Variants in SLC26A7 observed in about 807,000 individuals in gnomAD.
SLC26A7 encodes the protein anion exchange transporter.
A neutral mutation model predicts 82.5 loss-of-function variants in SLC26A7; 59 were observed. That is an observed-to-expected ratio of 0.72 (90% CI 0.58 to 0.89). The LOEUF (loss-of-function observed/expected upper bound fraction) is 0.89, where lower values mean the gene tolerates loss of function less well. Ranked by LOEUF, SLC26A7 falls within the 40% of genes least tolerant of loss-of-function variation. SLC26A7 has a pLI of 0.00. For synonymous variants in SLC26A7, 271 were observed against 274.3 expected, an observed-to-expected ratio of 0.99 and a Z score of 0.12; for missense variants, 820 against 793.0, an observed-to-expected ratio of 1.03 and a Z score of -0.41.
At chr8:91,268,262 C>A (rs997688018) in intron 2 of SLC26A7, among the ~76,000 whole-genome samples, 1 of 151,784 alleles carries the variant, frequency 6.6e-6, no homozygotes, top group Non-Finnish European at 1.5e-5. Context: ...TGTATTGCAA[C>A]TGATCTCTCC....
At chr8:91,368,661 G>C (rs956643218) in intron 14 of SLC26A7, among the ~76,000 whole-genome samples, 8 of 151,828 alleles carry the variant, frequency 5.3e-5, no homozygotes, top group Admixed American at 4.6e-4. Flanking sequence ...CTGACCTCGT[G>C]ATCCGCCCAC....
At chr8:91,297,939 A>G (rs1224016091) in intron 4 of SLC26A7, among the ~76,000 whole-genome samples, 1 of 152,134 alleles carries the variant, frequency 6.6e-6, no homozygotes, top group African/African-American at 2.4e-5. Context: ...ATAAGATTGT[A>G]TTGTTAAAGT....
At chr8:91,324,689 A>C (rs1044825382) in intron 5 of SLC26A7, among the ~76,000 whole-genome samples, 2 of 152,200 alleles carry the variant, frequency 1.3e-5, no homozygotes, top group Non-Finnish European at 1.5e-5. Context: ...TGGAGAGAGG[A>C]GACAAACAAA....
intron 15 of SLC26A7, among the ~76,000 whole-genome samples, chr8:91,375,044 A>G (rs1814471867): frequency 6.6e-6 from 1 of 151,722 alleles, no homozygotes; most frequent in South Asian, 2.1e-4. Context: ...TTTATTTGAT[A>G]CAAGAATAGA....
At chr8:91,236,048 A>G (rs1437187602) in intron 2 of SLC26A7, among the ~76,000 whole-genome samples, 1 of 152,216 alleles carries the variant, frequency 6.6e-6, no homozygotes, top group African/African-American at 2.4e-5. Context: ...AAAAGCCCTC[A>G]AGACAGAAGC....
At chr8:91,254,216 G>C (rs1810738939) in intron 2 of SLC26A7, among the ~76,000 whole-genome samples, 1 of 151,978 alleles carries the variant, frequency 6.6e-6, no homozygotes, top group Admixed American at 6.6e-5. Context: ...AAAATCTAGG[G>C]AGACATGGTC....
At chr8:91,289,560 G>A (rs937305772) in intron 3 of SLC26A7, among the ~76,000 whole-genome samples, 5 of 152,010 alleles carry the variant, frequency 3.3e-5, no homozygotes, top group East Asian at 1.9e-4. Context: ...CAGGAGAATC[G>A]CTTGAACCTG....
rs181062342 is a variant in SLC26A7 at position 91,364,810 on chromosome 8, A to G, written c.1488+1272A>G. On this transcript the variant is annotated intron_variant, in intron 13 of 18. Transcript: ENST00000276609. ...AGATGAAAATGCTAGAAATTTCTCC[A>G]CATGTTTAAGTCTTGATTGGTTTCT... Among the ~76,000 whole-genome samples the G allele has an allele frequency of 2.6e-5, 4 of 152,312 alleles. No homozygotes were observed. In the East Asian group the frequency reaches 7.7e-4, roughly 29 times the overall value.
intron 17 of SLC26A7, 42 bp from the exon 18 acceptor site, chr8:91,393,894 C>T (rs188675180): frequency 6.2e-7 from 1 of 1,612,090 alleles, no homozygotes; most frequent in Non-Finnish European, 8.5e-7. Flanking sequence ...GATTTTTCTG[C>T]ACTTCCACAT....
chr8:91,217,330 A>G (rs934665789), intron 1 of SLC26A7, among the ~76,000 whole-genome samples: 1 of 152,216 alleles, frequency 6.6e-6, no homozygotes, highest in African/African-American at 2.4e-5. Context: ...AGATTTTGTC[A>G]TGTCTAAATT....
intron 11 of SLC26A7, among the ~76,000 whole-genome samples, chr8:91,357,669 T>C (rs1250552375): frequency 6.6e-6 from 1 of 152,156 alleles, no homozygotes; most frequent in Admixed American, 6.5e-5. Context: ...GAAGAAAACC[T>C]AGGCAGTACC....
chr8:91,331,811 C>A (rs1200535797), intron 5 of SLC26A7, among the ~76,000 whole-genome samples: 1 of 151,960 alleles, frequency 6.6e-6, no homozygotes, highest in African/African-American at 2.4e-5. Flanking sequence ...CCAGATTAGA[C>A]TATTTAAATT....
intron 2 of SLC26A7, among the ~76,000 whole-genome samples, chr8:91,225,368 G>T (rs1448797841): frequency 1.3e-5 from 2 of 152,100 alleles, no homozygotes; most frequent in East Asian, 3.9e-4. Flanking sequence ...AGTTTCCCCA[G>T]CTGAGTAGCA....
At chr8:91,369,735 GA>G (rs1432900658) in intron 14 of SLC26A7, 49 bp from the exon 15 acceptor site, 3 of 1,343,604 alleles carry the variant, frequency 2.2e-6, no homozygotes, top group Non-Finnish European at 3.0e-6. Flanking sequence ...TTTTCAGACA[GA>G]AGTAAAATTT....
At chr8:91,327,907 G>A (rs1375248) in intron 5 of SLC26A7, among the ~76,000 whole-genome samples, 33,143 of 151,914 alleles carry the variant, frequency 0.22, 4,983 homozygotes, top group African/African-American at 0.42. Context: ...ATAATTCAAA[G>A]ATGTATTCAT....
At chr8:91,353,041 T>C in intron 11 of SLC26A7, 45 bp downstream of exon 11, 2 of 1,348,704 alleles carry the variant, frequency 1.5e-6, no homozygotes, top group Non-Finnish European at 2.1e-6. Flanking sequence ...TAGCTTAAGC[T>C]TATGTTACCA....
intron 2 of SLC26A7, among the ~76,000 whole-genome samples, chr8:91,259,058 T>C (rs1305919092): frequency 6.6e-6 from 1 of 152,082 alleles, no homozygotes; most frequent in Non-Finnish European, 1.5e-5. Flanking sequence ...TTCTAGCTCC[T>C]TCCTGAAACT....
At chr8:91,274,811 C>A (rs775078190) in intron 2 of SLC26A7, among the ~76,000 whole-genome samples, 7 of 152,170 alleles carry the variant, frequency 4.6e-5, no homozygotes, top group Non-Finnish European at 2.9e-5. Flanking sequence ...TAGATTTTAG[C>A]TTTGCTACCT....
chr8:91,234,818 T>TA (rs1348522732), intron 2 of SLC26A7, among the ~76,000 whole-genome samples: 1 of 138,008 alleles, frequency 7.2e-6, no homozygotes, highest in African/African-American at 2.8e-5. Context: ...CCTACCTACC[T>TA]ACCTACCTAC....
Sources: gnomAD v4.1 joint callset for allele counts (sites outside exome capture counted in the v4.1 genomes callset) on GRCh38, gnomAD v4.1.1 for gene constraint, MANE v1.5 for transcripts, NCBI Gene and HGNC (gene_info 2026-07-23, HGNC 2026-07-21) for gene names.